CNIH3: variants seen among roughly 807,000 people sequenced by gnomAD.
CNIH3 encodes cornichon family AMPA receptor auxiliary protein 3.
A neutral mutation model predicts 24.1 loss-of-function variants in CNIH3; 14 were observed. The observed-to-expected ratio is 0.58, with a 90% CI of 0.38 to 0.91. The LOEUF (loss-of-function observed/expected upper bound fraction) is 0.91. Among genes scored for constraint, CNIH3 ranks in the 40% least tolerant of loss-of-function variants. The pLI, the probability that CNIH3 is intolerant of heterozygous loss-of-function variation, is 0.00. For missense variants in CNIH3, 178 were observed against 196.8 expected (o/e 0.90, Z 0.57); for synonymous variants, 68 against 73.8 (o/e 0.92, Z 0.40).
chr1:224,675,266 C>T (rs1469143302), intron 1 of CNIH3, among the ~76,000 whole-genome samples: 1 of 152,138 alleles, frequency 6.6e-6, no homozygotes, highest in Non-Finnish European at 1.5e-5. Flanking sequence ...TGCCAAAGCT[C>T]ATGTCATAGG....
intron 1 of CNIH3, among the ~76,000 whole-genome samples, chr1:224,489,476 C>T (rs1335889377): frequency 2.6e-5 from 4 of 152,112 alleles, no homozygotes; most frequent in Non-Finnish European, 5.9e-5. Flanking sequence ...GGGGGCTTTC[C>T]CTCAGGATAA....
At chr1:224,671,550 A>C (rs1685867747) in intron 1 of CNIH3, among the ~76,000 whole-genome samples, 1 of 152,240 alleles carries the variant, frequency 6.6e-6, no homozygotes, top group African/African-American at 2.4e-5. Context: ...GACTGGCCCC[A>C]GCACTGCCCT....
intron 3 of CNIH3, among the ~76,000 whole-genome samples, chr1:224,720,368 C>T (rs1688651354): frequency 6.6e-6 from 1 of 151,956 alleles, no homozygotes; most frequent in Non-Finnish European, 1.5e-5. Context: ...AGGTCAGCTC[C>T]CTCCTCTGGA....
chr1:224,579,773 C>A (rs1463468729), intron 4 of CNIH3, among the ~76,000 whole-genome samples: 3 of 152,168 alleles, frequency 2.0e-5, no homozygotes, highest in Non-Finnish European at 4.4e-5. Context: ...CTCTCTCTTT[C>A]TTCCTCTCTG....
intron 1 of CNIH3, among the ~76,000 whole-genome samples, chr1:224,503,372 T>A (rs1244979272): frequency 6.6e-6 from 1 of 152,146 alleles, no homozygotes; most frequent in East Asian, 1.9e-4. Flanking sequence ...TCTGTCTTTG[T>A]TCCTCTTGTC....
chr1:224,516,312 C>CAAAAA (rs71574505), intron 1 of CNIH3, among the ~76,000 whole-genome samples: 2 of 67,748 alleles, frequency 3.0e-5, no homozygotes, highest in African/African-American at 4.5e-5. Flanking sequence ...GACTCTGTCT[C>CAAAAA]AAAAAAAAAA....
chr1:224,605,383 C>A (rs1254985120), intron 3 of CNIH3, among the ~76,000 whole-genome samples: 2 of 152,206 alleles, frequency 1.3e-5, no homozygotes, highest in Non-Finnish European at 2.9e-5. Context: ...GCCCCACAGG[C>A]TGGCTGTCTT....
intron 2 of CNIH3, among the ~76,000 whole-genome samples, chr1:224,525,864 A>T (rs1014552084): frequency 2.6e-5 from 4 of 152,130 alleles, no homozygotes; most frequent in African/African-American, 9.7e-5. Flanking sequence ...CAGGCAGAAG[A>T]GCCAGGAGAC....
At chr1:224,613,145 GCAC>G (rs1682777944), upstream of CNIH3, among the ~76,000 whole-genome samples, 2 of 152,108 alleles carry the variant, frequency 1.3e-5, no homozygotes, top group African/African-American at 4.8e-5. Flanking sequence ...CTACAGGTGT[GCAC>G]CACCATGCCT....
intron 1 of CNIH3, among the ~76,000 whole-genome samples, chr1:224,502,900 AG>A (rs1677737738): frequency 6.6e-6 from 1 of 152,156 alleles, no homozygotes; most frequent in Non-Finnish European, 1.5e-5. Context: ...AGATGTTGAA[AG>A]CCTGTGAGTT....
At chr1:224,599,356 C>T (rs916209988) in intron 3 of CNIH3, among the ~76,000 whole-genome samples, 1 of 152,126 alleles carries the variant, frequency 6.6e-6, no homozygotes, top group African/African-American at 2.4e-5. Context: ...CCTCTTGTTC[C>T]TTATGGAATA....
upstream of CNIH3, chr1:224,615,986 C>T (rs1682946719): frequency 6.6e-6 from 1 of 152,552 alleles, no homozygotes; most frequent in African/African-American, 2.4e-5. Flanking sequence ...CGTTTAGGCG[C>T]GAGGCACACA....
chr1:224,469,057 T>C (rs1310124076), intron 1 of CNIH3, among the ~76,000 whole-genome samples: 1 of 151,980 alleles, frequency 6.6e-6, no homozygotes, highest in Non-Finnish European at 1.5e-5. Flanking sequence ...TATATCAATA[T>C]GGTCATATGA....
In CNIH3 at chr1:224,616,685, G is replaced by A. The variant is rs1397257123; in HGVS notation, c.-490G>A. The A allele has an allele frequency of 3.3e-5, 33 of 991,206 alleles. No individual in the cohort carries two copies. Among genetic ancestry groups the A allele is most frequent in the Non-Finnish European group, 4.0e-5 (33 of 834,074 alleles). 61.4% of individuals were successfully genotyped at this position (991,206 alleles called of 1,614,324 possible). ...CGGAGGCCGCTCGGGCACCTCGCTG[G>A]ACACTATCCGTTTGCGCCCCGGTGG... On this transcript the variant is annotated 5_prime_UTR_variant, in exon 1 of 6. Transcript: ENST00000272133.
At chr1:224,586,068 T>G (rs1164334030) in intron 5 of CNIH3, among the ~76,000 whole-genome samples, 1 of 152,202 alleles carries the variant, frequency 6.6e-6, no homozygotes, top group Non-Finnish European at 1.5e-5. Flanking sequence ...CCCCTAGTAC[T>G]GCAGAAATGA....
At chr1:224,599,660 G>A (rs1450615997) in intron 3 of CNIH3, among the ~76,000 whole-genome samples, 1 of 151,596 alleles carries the variant, frequency 6.6e-6, no homozygotes, top group Non-Finnish European at 1.5e-5. Context: ...GTTTCAAGTG[G>A]CATATTACAT....
chr1:224,582,432 T>C (rs977713423), intron 4 of CNIH3, among the ~76,000 whole-genome samples: 1 of 152,098 alleles, frequency 6.6e-6, no homozygotes, highest in African/African-American at 2.4e-5. Flanking sequence ...GTTTTTTTTT[T>C]CCTCCCTAAT....
intron 1 of CNIH3, among the ~76,000 whole-genome samples, chr1:224,657,892 G>A (rs1282555991): frequency 6.6e-6 from 1 of 152,100 alleles, no homozygotes; most frequent in East Asian, 1.9e-4. Flanking sequence ...AGGAAGATTG[G>A]TTATTTCTGT....
upstream of CNIH3, chr1:224,615,408 A>G (rs905754700): frequency 1.3e-5 from 2 of 152,208 alleles, no homozygotes; most frequent in Admixed American, 6.5e-5. Context: ...AGCATGGTGA[A>G]CTTCCAAGAT....
Sources: gnomAD v4.1 joint callset for allele counts (sites outside exome capture counted in the v4.1 genomes callset) on GRCh38, gnomAD v4.1.1 for gene constraint, MANE v1.5 for transcripts, NCBI Gene and HGNC (gene_info 2026-07-23, HGNC 2026-07-21) for gene names.